Variants in ZNF711 observed in about 807,000 individuals in gnomAD.
The protein encoded by ZNF711 is zinc finger protein 711.
Under a neutral mutation model 43.5 loss-of-function variants are expected in ZNF711, and 3 were observed. The observed-to-expected ratio is 0.07, with a 90% CI of 0.03 to 0.18. The LOEUF (loss-of-function observed/expected upper bound fraction) is 0.18. ZNF711 is among the 10% of genes least tolerant of loss of function. The pLI is 1.00. For missense variants in ZNF711, 412 were observed against 604.0 expected (o/e 0.68, Z 3.33); for synonymous variants, 209 against 207.7 (o/e 1.01, Z -0.06).
At chrX:85,268,364 A>T (rs755157498) in intron 9 of ZNF711, 23 bp downstream of exon 9, 96 of 1,185,223 alleles carry the variant, frequency 8.1e-5, no homozygotes, top group Non-Finnish European at 1.1e-4. Context: ...TGTATATGAG[A>T]TGTGAGTTAA....
intron 4 of ZNF711, among the ~76,000 whole-genome samples, chrX:85,252,716 T>C (rs1929654032): frequency 9.0e-6 from 1 of 111,718 alleles, no homozygotes; most frequent in Admixed American, 9.5e-5. Flanking sequence ...TTATACATAC[T>C]CCCTTCGTGT....
At chrX:85,248,161 CTTT>C (rs35501637) in intron 4 of ZNF711, among the ~76,000 whole-genome samples, 6,611 of 97,453 alleles carry the variant, frequency 0.068, 488 homozygotes, top group African/African-American at 0.2. Flanking sequence ...TTTTCTTTCT[CTTT>C]TTTTTTTTTA....
chrX:85,262,492 T>C (rs1930742076), intron 5 of ZNF711, among the ~76,000 whole-genome samples: 2 of 110,743 alleles, frequency 1.8e-5, no homozygotes, highest in African/African-American at 6.5e-5. Context: ...AATGAGAATA[T>C]AGTTTTTTTC....
At chrX:85,258,396 G>A (rs977689968) in intron 5 of ZNF711, among the ~76,000 whole-genome samples, 1 of 110,659 alleles carries the variant, frequency 9.0e-6, no homozygotes, top group African/African-American at 3.3e-5. Context: ...GGTGGTGAAG[G>A]ATACAAGAGT....
At chrX:85,258,073 T>C (rs756975940) in intron 5 of ZNF711, among the ~76,000 whole-genome samples, 7 of 112,505 alleles carry the variant, frequency 6.2e-5, no homozygotes, top group African/African-American at 9.7e-5. Context: ...ACAAAAAAGA[T>C]ACTTTCACAT....
intron 8 of ZNF711, 65 bp downstream of exon 8, chrX:85,267,480 T>C: frequency 1.1e-6 from 1 of 908,940 alleles, no homozygotes; most frequent in Non-Finnish European, 1.4e-6. Flanking sequence ...CTTTAGGCCA[T>C]TAAATAAGCT....
At chrX:85,262,301 A>G (rs1056345087) in intron 5 of ZNF711, among the ~76,000 whole-genome samples, 7 of 110,944 alleles carry the variant, frequency 6.3e-5, no homozygotes, top group African/African-American at 2.0e-4. Flanking sequence ...TGTGAATTAT[A>G]GTTTTAACTC....
Position 85,255,285 on chromosome X carries a change from A to G in ZNF711, c.106A>G (p.Ile36Val). The change falls in exon 5 of 11, where the codon ATC (isoleucine) becomes GTC (valine). Residue 36 changes from isoleucine to valine, a missense_variant. By Grantham distance (29) the Ile-to-Val change is conservative (BLOSUM62 3). Coordinates refer to ENST00000674551, the MANE Select transcript of ZNF711 (RefSeq NM_001330574.2). ...GGCTGGAATGGCTGGTACTGCACAT[A>G]TCGATGGAGACCATATTGTTGTTTC... ...FVAGMAGTAH[I>V]DGDHIVVSVP... 7 of 1,211,498 alleles carry G rather than the reference A, an allele frequency of 5.8e-6. No homozygotes were observed. The highest frequency in any genetic ancestry group is 7.8e-6 in the Non-Finnish European group (7 of 895,306).
chrX:85,269,801 G>A (rs1931417556), intron 9 of ZNF711, among the ~76,000 whole-genome samples: 1 of 111,682 alleles, frequency 9.0e-6, no homozygotes, highest in Non-Finnish European at 1.9e-5. Flanking sequence ...CCTATTCAAA[G>A]TATTTACAAA....
intron 4 of ZNF711, among the ~76,000 whole-genome samples, chrX:85,248,516 C>G (rs1017128873): frequency 3.8e-5 from 4 of 105,688 alleles, no homozygotes; most frequent in Non-Finnish European, 7.7e-5. Context: ...ACTCTTGTGG[C>G]CAGGTTTGTA....
At chrX:85,248,297 G>A (rs760382026) in intron 4 of ZNF711, among the ~76,000 whole-genome samples, 10 of 107,634 alleles carry the variant, frequency 9.3e-5, no homozygotes, top group East Asian at 2.9e-4. Context: ...GTGAAACCCC[G>A]TCTCTACTAA....
rs370780602 is a variant in ZNF711, at chrX:85,270,129, C to T, written c.1229C>T (p.Thr410Ile). The change falls in exon 10 of 11, where the codon ACC (threonine) becomes ATC (isoleucine). Residue 410 changes from threonine (T) to isoleucine (I), a missense_variant. By Grantham distance (89) the Thr-to-Ile change is moderately conservative. Transcript: ENST00000674551. The stretch of plus-strand genomic sequence containing the variant: ...GCCAAAAAGAGGAGAAGGGGAGAAA[C>T]CAGGCAGTGGCAAACAGGTAAATAC... ...QKAKKRRRGE[T>I]RQWQTAVIIG... The T allele has an allele frequency of 8.3e-7, 1 of 1,207,486 alleles. No homozygotes were observed. Among genetic ancestry groups the T allele is most frequent in the African/African-American group, 1.8e-5 (1 of 56,917 alleles).
chrX:85,249,169 A>AAAAAC (rs1441531545), intron 4 of ZNF711, among the ~76,000 whole-genome samples: 1 of 111,778 alleles, frequency 8.9e-6, no homozygotes, highest in Non-Finnish European at 1.9e-5. Context: ...TTTGGGTGAA[A>AAAAAC]AAAACTCATC....
intron 4 of ZNF711, among the ~76,000 whole-genome samples, chrX:85,254,083 A>G (rs1045055700): frequency 2.7e-5 from 3 of 111,671 alleles, no homozygotes; most frequent in African/African-American, 6.5e-5. Context: ...ATTTTTTGCT[A>G]CTATGAGTAA....
chrX:85,247,789 C>T, intron 4 of ZNF711, 138 bp downstream of exon 4: 1 of 521,779 alleles, frequency 1.9e-6, no homozygotes, highest in Non-Finnish European at 3.2e-6. Flanking sequence ...AGAGCTTATT[C>T]TCATAAAGCT....
intron 4 of ZNF711, among the ~76,000 whole-genome samples, chrX:85,252,412 C>T (rs140472175): frequency 0.014 from 1,539 of 111,528 alleles, 24 homozygotes; most frequent in African/African-American, 0.048. Context: ...ACCCTTCTTT[C>T]CTTCCCTATG....
intron 8 of ZNF711, among the ~76,000 whole-genome samples, chrX:85,267,781 G>A (rs1370569076): frequency 9.0e-6 from 1 of 110,898 alleles, no homozygotes. Context: ...AAAGTTTTGG[G>A]GTTTTGAAAA....
rs1176315078 is a variant in ZNF711, at chrX:85,247,068, C to G, written c.-147C>G. On this transcript the variant is annotated 5_prime_UTR_variant, in exon 3 of 11. Transcript: ENST00000674551. ...ACATTATAAGTAGAACCCTGGGAGC[C>G]AGAGGTGAATACAAGTTTATCTGCA... The G allele has an allele frequency of 6.8e-6, 2 of 294,197 alleles. No individual in the cohort carries two copies. Among genetic ancestry groups the G allele is most frequent in the Admixed American group, 1.2e-4 (2 of 16,238 alleles). 24.2% of individuals were successfully genotyped at this position (294,197 alleles called of 1,213,427 possible). A position where few individuals can be genotyped will look rare whatever the true frequency, so the allele number is the denominator to read the frequency against.
At chrX:85,248,664 G>T in intron 4 of ZNF711, among the ~76,000 whole-genome samples, 1 of 110,119 alleles carries the variant, frequency 9.1e-6, no homozygotes, top group Admixed American at 9.7e-5. Flanking sequence ...GCAGGGATGA[G>T]ATCAAAAGAA....
Sources: gnomAD v4.1 joint callset for allele counts (sites outside exome capture counted in the v4.1 genomes callset) on GRCh38, gnomAD v4.1.1 for gene constraint, MANE v1.5 for transcripts, NCBI Gene and HGNC (gene_info 2026-07-23, HGNC 2026-07-21) for gene names.